Variants in MCEE observed in about 807,000 individuals in gnomAD.
MCEE encodes methylmalonyl-CoA epimerase, also known as methylmalonyl-CoA epimerase, mitochondrial.
A neutral mutation model predicts 12.9 loss-of-function variants in MCEE; 6 were observed. The observed-to-expected ratio is 0.47, with a 90% CI of 0.26 to 0.92. The LOEUF is 0.92. Among genes scored for constraint, MCEE ranks in the 40% least tolerant of loss-of-function variants. The pLI is 0.16. For missense variants in MCEE, 214 were observed against 212.1 expected, an observed-to-expected ratio of 1.01 and a Z score of -0.05; for synonymous variants, 78 against 77.9, an observed-to-expected ratio of 1.00 and a Z score of -0.01.
rs1474522317 is a variant in MCEE at position 71,124,436 on chromosome 2, G to T, written c.148C>A (p.His50Asn). The change falls in exon 2 of 3, where the codon CAT becomes AAT. Residue 50 changes from histidine to asparagine, a missense_variant. Physicochemically the swap from His to Asn is moderately conservative, Grantham distance 68 (BLOSUM62 1). Transcript: ENST00000244217. ...AAATCTGGCACTGCTATGGCTACATGGTTGAGTCGACCCAGGTTCCACACA... is the reference window on the plus strand; with the variant it reads ...AAATCTGGCACTGCTATGGCTACATTGTTGAGTCGACCCAGGTTCCACACA... Reference protein sequence around the residue: ...GSVWNLGRLNHVAIAVPDLEK... With the variant: ...GSVWNLGRLNNVAIAVPDLEK... 6 of 1,614,156 alleles carry T rather than the reference G, an allele frequency of 3.7e-6. No individual in the cohort carries two copies. Among genetic ancestry groups the T allele is most frequent in the Admixed American group, 1.7e-5 (1 of 60,010 alleles).
intron 2 of MCEE, among the ~76,000 whole-genome samples, chr2:71,123,618 C>T (rs561566060): frequency 1.8e-4 from 27 of 152,106 alleles, no homozygotes; most frequent in African/African-American, 6.3e-4. Context: ...TTCTAAAAGG[C>T]AGTTATCTGA....
At chr2:71,112,701 G>C (rs896297496) in intron 2 of MCEE, among the ~76,000 whole-genome samples, 9 of 152,212 alleles carry the variant, frequency 5.9e-5, no homozygotes, top group Non-Finnish European at 1.0e-4. Context: ...CTCCCACAAT[G>C]CTGGGATTAC....
At chr2:71,120,505 C>A (rs1673078566) in intron 2 of MCEE, among the ~76,000 whole-genome samples, 2 of 150,336 alleles carry the variant, frequency 1.3e-5, no homozygotes, top group African/African-American at 2.5e-5. Flanking sequence ...GTAAACCTCA[C>A]AAGAAAAAGT....
At chr2:71,121,419 T>G (rs575302081) in intron 2 of MCEE, among the ~76,000 whole-genome samples, 1 of 152,274 alleles carries the variant, frequency 6.6e-6, no homozygotes, top group Admixed American at 6.5e-5. Flanking sequence ...AAATAAAATC[T>G]TGTTAAGCCA....
At chr2:71,127,221 C>T (rs1041314616) in intron 1 of MCEE, among the ~76,000 whole-genome samples, 3 of 152,246 alleles carry the variant, frequency 2.0e-5, no homozygotes, top group Non-Finnish European at 4.4e-5. Context: ...TATGTTAACT[C>T]TCATTCCAAT....
rs574009005 is a variant in MCEE, at chr2:71,116,411, TTTTC to T, written c.379-6293_379-6290del. The stretch of plus-strand genomic sequence containing the variant: ...TTCAACTTCTTACCAGCTATTTCCT[TTTTC>T]TTTCTTTCTTTCTTTTTTTTGGTAT... On this transcript the variant is annotated intron_variant, in intron 2 of 2. Coordinates refer to ENST00000244217, the MANE Select transcript of MCEE (RefSeq NM_032601.4). Among the ~76,000 whole-genome samples the T allele has an allele frequency of 2.7e-4, 40 of 150,054 alleles. 2 individuals carry two copies. The highest frequency in any genetic ancestry group is 8.3e-4 in the African/African-American group (33 of 39,582).
At chr2:71,122,554 T>C (rs1197624136) in intron 2 of MCEE, among the ~76,000 whole-genome samples, 1 of 152,140 alleles carries the variant, frequency 6.6e-6, no homozygotes, top group East Asian at 1.9e-4. Context: ...GAGGAGCAAG[T>C]CACATCTTAC....
intron 1 of MCEE, among the ~76,000 whole-genome samples, chr2:71,125,211 A>ATATATATTTTTTTTTTTT: frequency 1.6e-4 from 8 of 48,612 alleles, no homozygotes; most frequent in South Asian, 8.9e-4. Flanking sequence ...ATATATATAT[A>ATATATATTTTTTTTTTTT]TTTTTTTTTT....
At chr2:71,110,257 C>T (rs1672861108) in intron 2 of MCEE, 135 bp from the exon 3 acceptor site, 1 of 749,486 alleles carries the variant, frequency 1.3e-6, no homozygotes, top group African/African-American at 1.8e-5. Flanking sequence ...ATTCTTAAAT[C>T]ATCATAAAAA....
In MCEE at chr2:71,112,500, A is replaced by G. The variant is rs1452531027; in HGVS notation, c.379-2378T>C. ...ACCTAGGCTGGAGTGCAATGGCATG[A>G]TCTTGGCTTACTGCAGCCTCTGCCT... On this transcript the variant is annotated intron_variant, in intron 2 of 2. Transcript: ENST00000244217. Among the ~76,000 whole-genome samples, 7 of 125,740 alleles carry G rather than the reference A, an allele frequency of 5.6e-5. No individual in the cohort carries two copies. The East Asian group carries it at 1.2e-3, about 22-fold the overall frequency. The allele number at this position is 125,740 out of a possible 152,430, so 82.5% of individuals were successfully genotyped here.
intron 2 of MCEE, among the ~76,000 whole-genome samples, chr2:71,121,859 A>G (rs1429206990): frequency 1.3e-5 from 2 of 152,202 alleles, no homozygotes; most frequent in African/African-American, 4.8e-5. Context: ...AAGGTCTTAT[A>G]GCTTCCCCAC....
At chr2:71,124,589 G>T in intron 1 of MCEE, 46 bp from the exon 2 acceptor site, 2 of 1,421,722 alleles carry the variant, frequency 1.4e-6, no homozygotes, top group Non-Finnish European at 2.0e-6. Context: ...GAGAATTAAC[G>T]CACTTCTAAA....
intron 1 of MCEE, among the ~76,000 whole-genome samples, chr2:71,125,113 A>G (rs1673188729): frequency 1.4e-5 from 2 of 147,988 alleles, no homozygotes; most frequent in Admixed American, 1.4e-4. Context: ...CAGCCTCCCA[A>G]GTAGCTGGGA....
chr2:71,126,505 C>CATGA (rs1030966930), intron 1 of MCEE, among the ~76,000 whole-genome samples: 20 of 139,586 alleles, frequency 1.4e-4, no homozygotes, highest in African/African-American at 5.4e-4. Flanking sequence ...GGATCACAGG[C>CATGA]ATGAGCTACT....
chr2:71,129,987 C>G, intron 1 of MCEE, 193 bp downstream of exon 1: 1 of 665,308 alleles, frequency 1.5e-6, no homozygotes, highest in South Asian at 1.7e-5. Context: ...ATGCACAAGG[C>G]AATCCCCGCT....
chr2:71,128,529 A>AT (rs1250669187), intron 1 of MCEE, among the ~76,000 whole-genome samples: 11 of 86,618 alleles, frequency 1.3e-4, no homozygotes, highest in South Asian at 4.2e-4. Flanking sequence ...CTTAAAAAGC[A>AT]ATTTTTTTTT....
intron 1 of MCEE, among the ~76,000 whole-genome samples, chr2:71,125,901 C>G (rs117423858): frequency 6.6e-6 from 1 of 152,070 alleles, no homozygotes; most frequent in African/African-American, 2.4e-5. Flanking sequence ...GGATTACAAC[C>G]GAGTACACAT....
chr2:71,128,859 G>A (rs1283028786), intron 1 of MCEE, among the ~76,000 whole-genome samples: 2 of 151,614 alleles, frequency 1.3e-5, no homozygotes, highest in East Asian at 3.9e-4. Flanking sequence ...GCGTGGTGCC[G>A]GGTGCCTGTA....
intron 2 of MCEE, among the ~76,000 whole-genome samples, chr2:71,121,170 C>T (rs1673093910): frequency 6.6e-6 from 1 of 152,184 alleles, no homozygotes; most frequent in Non-Finnish European, 1.5e-5. Context: ...AGACTACATT[C>T]CCCAGCCTCC....
Sources: gnomAD v4.1 joint callset for allele counts (sites outside exome capture counted in the v4.1 genomes callset) on GRCh38, gnomAD v4.1.1 for gene constraint, MANE v1.5 for transcripts, NCBI Gene and HGNC (gene_info 2026-07-23, HGNC 2026-07-21) for gene names.